The following MEST variants were observed in gnomAD, a reference collection of about 807,000 sequenced individuals.
MEST encodes mesoderm-specific transcript homolog protein.
In MEST, 18 loss-of-function variants were observed where a neutral mutation model predicts 50.9. The ratio of observed to expected loss-of-function variants is 0.35; its 90% CI spans 0.24 to 0.52. MEST has a LOEUF of 0.52. Among genes scored for constraint, MEST ranks in the 20% least tolerant of loss-of-function variants. MEST has a pLI of 0.94. For missense variants in MEST, 282 were observed against 425.3 expected, an observed-to-expected ratio of 0.66 and a Z score of 2.96; for synonymous variants, 130 against 154.1, an observed-to-expected ratio of 0.84 and a Z score of 1.16.
intron 5 of MEST, 65 bp from the exon 6 acceptor site, chr7:130,498,354 G>A (rs553182498): frequency 1.7e-5 from 28 of 1,610,424 alleles, no homozygotes; most frequent in Admixed American, 3.3e-5. Context: ...TTTTTCTCTC[G>A]TTTTCAGCGG....
At chr7:130,488,391 C>T (rs1242857690), upstream of MEST, 1 of 152,214 alleles carries the variant, frequency 6.6e-6, no homozygotes, top group African/African-American at 2.4e-5. Flanking sequence ...AATGCTGCTT[C>T]CACAAATATT....
In MEST at chr7:130,500,636, GTGTTGGCCGCTTGC is replaced by G. The variant is rs1799241162; in HGVS notation, c.647+105_647+118del. Reference sequence around the variant, plus strand: ...TAAGGCTTGATATTTTAAAGCAAAGGTGTTGGCCGCTTGCCAGGGAAGTAGAAGGAATTCATAAA... The same window carrying G: ...TAAGGCTTGATATTTTAAAGCAAAGGCAGGGAAGTAGAAGGAATTCATAAA... On this transcript the variant is annotated intron_variant, in intron 8 of 11. Transcript: ENST00000223215. This position sits in a 1 kb window ranked among gnomAD's most constrained non-coding sequence, Gnocchi z 5.0. The G allele has an allele frequency of 4.6e-6, 6 of 1,317,856 alleles. No homozygotes were observed. Among genetic ancestry groups the G allele is most frequent in the African/African-American group, 1.5e-5 (1 of 68,492 alleles). 81.6% of individuals were successfully genotyped at this position (1,317,856 alleles called of 1,614,324 possible). A position where few individuals can be genotyped will look rare whatever the true frequency, so the allele number is the denominator to read the frequency against.
upstream of MEST, among the ~76,000 whole-genome samples, chr7:130,491,714 G>T (rs545914461): frequency 9.9e-5 from 15 of 152,230 alleles, no homozygotes; most frequent in Middle Eastern, 6.8e-3. This position sits in a 1 kb window ranked among gnomAD's most constrained non-coding sequence, Gnocchi z 6.8. Flanking sequence ...GCAGCCTGTG[G>T]GGTTTGTGGG....
chr7:130,499,504 C>T (rs1301297036), intron 6 of MEST, among the ~76,000 whole-genome samples: 1 of 152,146 alleles, frequency 6.6e-6, no homozygotes, highest in Non-Finnish European at 1.5e-5. Context: ...ATATTTTCTC[C>T]CCGTTTCACT....
rs782812345 is a variant in MEST, at chr7:130,502,725, G to A, written c.826+5G>A. 6.2e-7 allele frequency: 1 copy of A among 1,606,712 alleles called. No individual in the cohort carries two copies. Among genetic ancestry groups the A allele is most frequent in the Non-Finnish European group, 8.5e-7 (1 of 1,173,328 alleles). ...TTGCCTCTGTAACTATCCCCAGTGA[G>A]TATTTTTGTATTATTGATAGGAAAC... On this transcript the variant is annotated splice_donor_5th_base_variant and intron_variant, in intron 10 of 11. Transcript: ENST00000223215.
At position 130,505,035 on chromosome 7, in the gene MEST, G is replaced by A; in HGVS notation, c.987G>A (p.Met329Ile). The change falls in exon 12 of 12, where the codon ATG (methionine) becomes ATA (isoleucine). Residue 329 changes from methionine to isoleucine, a missense_variant. Physicochemically the swap from Met to Ile is conservative, Grantham distance 10 (BLOSUM62 1). Coordinates refer to ENST00000223215, the MANE Select transcript of MEST (RefSeq NM_002402.4). The part of the protein sequence containing the change: ...EDPMGFLNAY[M>I]GFINSF ...CCATGGGCTTCTTGAATGCATATAT[G>A]GGCTTCATCAACTCCTTCTGAGCTG... The A allele has an allele frequency of 6.2e-7, 1 of 1,613,014 alleles. No individual in the cohort carries two copies. Among genetic ancestry groups the A allele is most frequent in the Non-Finnish European group, 8.5e-7 (1 of 1,179,184 alleles).
chr7:130,500,814 A>ACT lies in MEST; in HGVS notation c.675_676dup (p.Arg226LeufsTer22). Reference sequence around the variant, plus strand: ...TCTCACCCCAGTCTTTGGGCCGTATACTCGGCCCTCTGAGAGTGAGCTGTG... The same window carrying ACT: ...TCTCACCCCAGTCTTTGGGCCGTATACTCTCGGCCCTCTGAGAGTGAGCTGTG... On this transcript the variant is annotated frameshift_variant, in exon 9 of 12. Coordinates refer to ENST00000223215, the MANE Select transcript of MEST (RefSeq NM_002402.4). LOFTEE classifies it high-confidence loss of function. The surrounding 1 kb of genome is among the most constrained non-coding windows in gnomAD (Gnocchi z 5.0). 1 of 1,613,654 alleles carries ACT rather than the reference A, an allele frequency of 6.2e-7. No individual in the cohort carries two copies. The highest frequency in any genetic ancestry group is 8.5e-7 in the Non-Finnish European group (1 of 1,179,872).
intron 2 of MEST, chr7:130,496,402 T>C (rs927088571): frequency 9.4e-6 from 3 of 318,724 alleles, no homozygotes; most frequent in Non-Finnish European, 1.8e-5. Context: ...GGCTAAAGTA[T>C]ATACAATTTT....
chr7:130,498,851 A>C (rs1799170075), intron 6 of MEST: 2 of 289,084 alleles, frequency 6.9e-6, no homozygotes, highest in Non-Finnish European at 1.3e-5. Context: ...ATCTGAAACA[A>C]CTGCAATAGG....
chr7:130,503,205 TA>T (rs1174970020), intron 10 of MEST, among the ~76,000 whole-genome samples: 8 of 152,094 alleles, frequency 5.3e-5, no homozygotes, highest in Non-Finnish European at 8.8e-5. Flanking sequence ...CTTACAGATT[TA>T]AAAAAAAATT....
chr7:130,495,504 CT>C lies in MEST; in HGVS notation c.164del (p.Leu55ArgfsTer17). 6.2e-7 allele frequency: 1 copy of C among 1,614,028 alleles called. No homozygotes were observed. The highest frequency in any genetic ancestry group is 8.5e-7 in the Non-Finnish European group (1 of 1,179,948). ...AGGCAAGTTTTTCACTTACAAGGGACTGCGTATCTTCTACCAAGGTAAGAAG... is the reference window on the plus strand; with the variant it reads ...AGGCAAGTTTTTCACTTACAAGGGACGCGTATCTTCTACCAAGGTAAGAAG... ...SSGKFFTYKG[L>X]RIFYQDSVGV... is the part of the protein sequence containing the mutation. On this transcript the variant is annotated frameshift_variant, in exon 2 of 12. Coordinates refer to ENST00000223215, the MANE Select transcript of MEST (RefSeq NM_002402.4). LOFTEE classifies it high-confidence loss of function.
In MEST at chr7:130,500,614, G is replaced by C. The variant is rs1799240183; in HGVS notation, c.647+82G>C. 7.1e-7 allele frequency: 1 copy of C among 1,418,242 alleles called. No individual in the cohort carries two copies. Among genetic ancestry groups the C allele is most frequent in the Non-Finnish European group, 9.7e-7 (1 of 1,026,278 alleles). 87.9% of individuals were successfully genotyped at this position (1,418,242 alleles called of 1,614,324 possible). ...ATTACAATTCTGGGCCAAATCCTAA[G>C]GCTTGATATTTTAAAGCAAAGGTGT... On this transcript the variant is annotated intron_variant, in intron 8 of 11. Transcript: ENST00000223215. The surrounding 1 kb of genome is among the most constrained non-coding windows in gnomAD (Gnocchi z 5.0).
At chr7:130,498,115 G>C in intron 4 of MEST, 24 bp from the exon 5 acceptor site, 3 of 1,614,134 alleles carry the variant, frequency 1.9e-6, no homozygotes, top group South Asian at 2.2e-5. Context: ...TTCATCCTGT[G>C]TATGTGGGCT....
Position 130,498,499 on chromosome 7 carries a change from A to G in MEST, c.535+22A>G, listed in dbSNP as rs368140794. 299 of 1,611,376 alleles carry G rather than the reference A, an allele frequency of 1.9e-4. No homozygotes were observed. In the African/African-American group the frequency reaches 3.2e-3, roughly 17 times the overall value. ...GGAGGTAATTGCCTTGGCGGTAGGT[A>G]GAAAGTGGGTGTAATCTAGAAGGGC... On this transcript the variant is annotated intron_variant, in intron 6 of 11. Coordinates refer to ENST00000223215, the MANE Select transcript of MEST (RefSeq NM_002402.4).
At chr7:130,502,442 C>CTT (rs1799310439) in intron 9 of MEST, among the ~76,000 whole-genome samples, 1 of 152,178 alleles carries the variant, frequency 6.6e-6, no homozygotes, top group Non-Finnish European at 1.5e-5. Flanking sequence ...TGATAGTAGG[C>CTT]ATAATCACTA....
upstream of MEST, chr7:130,492,079 C>T (rs922036332): frequency 3.9e-4 from 99 of 251,734 alleles, 7 homozygotes; most frequent in East Asian, 7.4e-3. This position sits in a 1 kb window ranked among gnomAD's most constrained non-coding sequence, Gnocchi z 7.6. Context: ...CCCACTCGCT[C>T]CGCGCTGCCG....
rs566482874 is a variant in MEST at position 130,502,162 on chromosome 7, A to AG, written c.750-481dup. 5.3e-3 allele frequency among the ~76,000 whole-genome samples: 804 copies of AG among 152,182 alleles called. 11 individuals carry two copies. The highest frequency in any genetic ancestry group is 0.018 in the African/African-American group (755 of 41,524). On this transcript the variant is annotated intron_variant, in intron 9 of 11. Coordinates refer to ENST00000223215, the MANE Select transcript of MEST (RefSeq NM_002402.4). ...TCTTGAGGTCAGAAGTTATAGCTGT[A>AG]GTGAGCTATGATTGCACCTGTGACT...
At position 130,500,001 on chromosome 7, in the gene MEST, T is replaced by C; in HGVS notation, c.576+86T>C. The C allele has an allele frequency of 9.4e-7, 1 of 1,062,426 alleles. No homozygotes were observed. The highest frequency in any genetic ancestry group is 1.4e-6 in the Non-Finnish European group (1 of 714,890). 65.8% of individuals were successfully genotyped at this position (1,062,426 alleles called of 1,614,324 possible). On this transcript the variant is annotated intron_variant, in intron 7 of 11. Transcript: ENST00000223215. The surrounding 1 kb of genome is among the most constrained non-coding windows in gnomAD (Gnocchi z 5.0). ...GACCTTTTAAGGGCCATAGCTCCTG[T>C]AACTGGCAGTAGTTAAATCCTCTTC...
chr7:130,502,620 C>G, intron 9 of MEST, 24 bp from the exon 10 acceptor site: 1 of 1,589,598 alleles, frequency 6.3e-7, no homozygotes, highest in South Asian at 1.1e-5. Flanking sequence ...TTGTTCTGCA[C>G]ATGCTGACTT....
Sources: allele counts gnomAD v4.1 joint callset (sites outside exome capture counted in the v4.1 genomes callset), GRCh38; gene constraint gnomAD v4.1.1; non-coding constraint Gnocchi (gnomAD v3.1); transcripts MANE v1.5; gene names NCBI Gene and HGNC (gene_info 2026-07-23, HGNC 2026-07-21).